The following CTNNA2 variants were observed in gnomAD, a reference collection of about 807,000 sequenced individuals.
CTNNA2 encodes the protein catenin alpha-2.
In CTNNA2, 42 loss-of-function variants were observed where a neutral mutation model predicts 101.0. The ratio of observed to expected loss-of-function variants is 0.42; its 90% CI spans 0.32 to 0.54. The LOEUF is 0.54. CTNNA2 is among the 20% of genes least tolerant of loss of function. The pLI, the probability that CTNNA2 is intolerant of heterozygous loss-of-function variation, is 0.14. For missense variants in CTNNA2, 871 were observed against 1,223.1 expected, an observed-to-expected ratio of 0.71 and a Z score of 4.29; for synonymous variants, 450 against 456.4, an observed-to-expected ratio of 0.99 and a Z score of 0.18.
chr2:80,428,069 G>C (rs1681154809), intron 9 of CTNNA2, among the ~76,000 whole-genome samples: 1 of 152,192 alleles, frequency 6.6e-6, no homozygotes, highest in Non-Finnish European at 1.5e-5. Context: ...ATTAAATGGA[G>C]ATGTGAAGGG....
exon 4 of CTNNA2, chr2:79,373,992 T>G (rs2104456882): frequency 6.6e-6 from 1 of 152,290 alleles, no homozygotes; most frequent in East Asian, 1.9e-4. Context: ...TGTCCATGAA[T>G]GTCATCTGGC....
intron 7 of CTNNA2, among the ~76,000 whole-genome samples, chr2:80,126,634 CCCTT>C (rs1178536900): frequency 0.072 from 1,855 of 25,816 alleles, 159 homozygotes; most frequent in East Asian, 0.21. Context: ...CTCCCTCCCT[CCCTT>C]CCTTCCTTCC....
intron 7 of CTNNA2, among the ~76,000 whole-genome samples, chr2:80,213,510 G>A (rs138773193): frequency 1.1e-4 from 16 of 152,274 alleles, no homozygotes; most frequent in African/African-American, 2.9e-4. Flanking sequence ...CAGTTTCCAC[G>A]TAGTTGAGCA....
chr2:79,874,550 G>A (rs1287711122), intron 6 of CTNNA2, among the ~76,000 whole-genome samples: 1 of 152,184 alleles, frequency 6.6e-6, no homozygotes, highest in Non-Finnish European at 1.5e-5. Context: ...TGTGGCTGCG[G>A]TGGCTCACCC....
chr2:79,931,097 T>C (rs527352751), intron 7 of CTNNA2, among the ~76,000 whole-genome samples: 1 of 152,328 alleles, frequency 6.6e-6, no homozygotes, highest in Non-Finnish European at 1.5e-5. Flanking sequence ...TCCATTAAAC[T>C]CTTCAGTATG....
At chr2:80,371,785 A>T (rs1675468963) in intron 7 of CTNNA2, among the ~76,000 whole-genome samples, 1 of 152,146 alleles carries the variant, frequency 6.6e-6, no homozygotes. Flanking sequence ...GCAAACCTGA[A>T]GTCAAATTGC....
chr2:80,601,421 C>CTTTTTTTTTTTTTTTTTTT (rs56921519), intron 15 of CTNNA2, among the ~76,000 whole-genome samples: 5 of 84,388 alleles, frequency 5.9e-5, no homozygotes, highest in Admixed American at 2.9e-4. Context: ...TTCTTTCTTT[C>CTTTTTTTTTTTTTTTTTTT]TTTTTTTTTT....
rs187199556 is a variant in CTNNA2 at position 79,568,237 on chromosome 2, T to C, written c.-6+55030T>C. Among the ~76,000 whole-genome samples, 169 of 152,320 alleles carry C rather than the reference T, an allele frequency of 1.1e-3. No individual in the cohort carries two copies. In the Middle Eastern group the frequency reaches 0.017, roughly 15 times the overall value. On this transcript the variant is annotated intron_variant, in intron 1 of 18. Coordinates refer to ENST00000402739, the MANE Select transcript of CTNNA2 (RefSeq NM_001282597.3). Reference sequence around the variant, plus strand: ...TATGTAAATTTATAGCTAACTCTCATTCTGAACTGTACTTTCCTGTACATG... The same window carrying C: ...TATGTAAATTTATAGCTAACTCTCACTCTGAACTGTACTTTCCTGTACATG...
chr2:80,103,835 A>G (rs1220533575), intron 7 of CTNNA2, among the ~76,000 whole-genome samples: 1 of 152,146 alleles, frequency 6.6e-6, no homozygotes, highest in Non-Finnish European at 1.5e-5. Context: ...CCCGGGTTCA[A>G]GTGATTCTCT....
At chr2:80,588,235 G>A (rs543872237) in intron 14 of CTNNA2, among the ~76,000 whole-genome samples, 9 of 152,230 alleles carry the variant, frequency 5.9e-5, no homozygotes, top group South Asian at 4.1e-4. Context: ...CCGCCTTCTC[G>A]TGCTCGGGGA....
chr2:79,314,868 C>A (rs949175811), intron 3 of CTNNA2, among the ~76,000 whole-genome samples: 3 of 152,290 alleles, frequency 2.0e-5, no homozygotes, highest in Admixed American at 2.0e-4. Context: ...TATGTGAATA[C>A]TGTTGGTAGT....
intron 7 of CTNNA2, among the ~76,000 whole-genome samples, chr2:80,060,464 C>T (rs976425310): frequency 2.6e-5 from 4 of 152,192 alleles, no homozygotes; most frequent in African/African-American, 9.7e-5. Flanking sequence ...CTGGTGCAAA[C>T]AGGGCAAAAC....
At chr2:79,556,407 A>C (rs1489632367) in intron 1 of CTNNA2, among the ~76,000 whole-genome samples, 1 of 152,022 alleles carries the variant, frequency 6.6e-6, no homozygotes, top group Non-Finnish European at 1.5e-5. Context: ...TACTGACCCC[A>C]GCTAGCACTT....
At chr2:80,131,974 G>A (rs534266188) in intron 7 of CTNNA2, among the ~76,000 whole-genome samples, 23 of 152,132 alleles carry the variant, frequency 1.5e-4, no homozygotes, top group South Asian at 1.5e-3. Context: ...CTAGCTACTC[G>A]GGAGGCTGAG....
chr2:80,519,446 C>G lies in CTNNA2; in HGVS notation c.1291-25536C>G, dbSNP rs569605430. 7.2e-5 allele frequency among the ~76,000 whole-genome samples: 11 copies of G among 152,240 alleles called. No homozygotes were observed. The South Asian group carries it at 2.3e-3, about 32-fold the overall frequency. ...AGCATCTTTGAAAAAAAATCACACT[C>G]TAGGTTTCCATTTGGATGCTCTCTA... On this transcript the variant is annotated intron_variant, in intron 9 of 18. Coordinates refer to ENST00000402739, the MANE Select transcript of CTNNA2 (RefSeq NM_001282597.3).
At chr2:79,335,413 C>A (rs1676972505) in intron 3 of CTNNA2, among the ~76,000 whole-genome samples, 1 of 152,156 alleles carries the variant, frequency 6.6e-6, no homozygotes, top group African/African-American at 2.4e-5. Flanking sequence ...TCGTCATTCT[C>A]AACATGCTTT....
chr2:79,323,593 C>T (rs1298658477), intron 3 of CTNNA2, among the ~76,000 whole-genome samples: 1 of 152,094 alleles, frequency 6.6e-6, no homozygotes, highest in East Asian at 1.9e-4. Context: ...TTTTTTCTGG[C>T]ATGTTACCTT....
At chr2:79,705,632 C>G (rs756757809) in intron 2 of CTNNA2, among the ~76,000 whole-genome samples, 12 of 152,154 alleles carry the variant, frequency 7.9e-5, no homozygotes, top group Non-Finnish European at 1.3e-4. Context: ...TTATTTTATG[C>G]TGGAGTCCAA....
intron 2 of CTNNA2, among the ~76,000 whole-genome samples, chr2:79,255,875 T>A (rs956513644): frequency 6.6e-6 from 1 of 152,174 alleles, no homozygotes; most frequent in African/African-American, 2.4e-5. Context: ...GTTTGGGACC[T>A]AACGCTCCTC....
Sources: allele counts gnomAD v4.1 joint callset (sites outside exome capture counted in the v4.1 genomes callset), GRCh38; gene constraint gnomAD v4.1.1; transcripts MANE v1.5; gene names NCBI Gene and HGNC (gene_info 2026-07-23, HGNC 2026-07-21).